The following PMS2 variants were observed in gnomAD, a reference collection of about 807,000 sequenced individuals.
The protein encoded by PMS2 is PMS1 homolog 2, mismatch repair system component.
Under a neutral mutation model 90.0 loss-of-function variants are expected in PMS2, and 69 were observed. The ratio of observed to expected loss-of-function variants is 0.77; its 90% CI spans 0.63 to 0.94. The LOEUF (loss-of-function observed/expected upper bound fraction) is 0.94. PMS2 is among the 40% of genes least tolerant of loss of function. The pLI is 0.00. For missense variants in PMS2, 966 were observed against 1,040.2 expected (o/e 0.93, Z 0.98); for synonymous variants, 332 against 375.1 (o/e 0.89, Z 1.33).
chr7:5,994,637 G>A lies in PMS2; in HGVS notation c.903+897C>T, dbSNP rs567569993. 5.9e-5 allele frequency among the ~76,000 whole-genome samples: 9 copies of A among 151,706 alleles called. No individual in the cohort carries two copies. In the South Asian group the frequency reaches 1.0e-3, roughly 18 times the overall value. On this transcript the variant is annotated intron_variant, in intron 8 of 14. Coordinates refer to ENST00000265849, the MANE Select transcript of PMS2 (RefSeq NM_000535.7). ...AAATACAAAAAAAAATTAACCAGGC[G>A]TGGTGGCAGGCACCTGTAGTCCCAG...
chr7:6,002,266 TGAAAA>T (rs1785167330), intron 5 of PMS2, 182 bp downstream of exon 5: 1 of 575,116 alleles, frequency 1.7e-6, no homozygotes, highest in Admixed American at 3.0e-5. Context: ...CACTATGTGA[TGAAAA>T]GAAAAAAGTA....
At chr7:5,982,463 C>T (rs935597795) in intron 12 of PMS2, among the ~76,000 whole-genome samples, 6 of 152,042 alleles carry the variant, frequency 3.9e-5, no homozygotes, top group Admixed American at 2.6e-4. Context: ...CTCGGCCTCC[C>T]AAAGTGCCGG....
rs745411955 is a variant in PMS2, at chr7:6,002,775, T to C, written c.354-139A>G. ...CCCTCTGAGATAATCAAGATCTAAA[T>C]GGTTGAGGAGTCATCATAAAATCTA... On this transcript the variant is annotated intron_variant, in intron 4 of 14. Transcript: ENST00000265849. 455 of 767,450 alleles carry C rather than the reference T, an allele frequency of 5.9e-4. 4 individuals are homozygous for C. Among genetic ancestry groups the C allele is most frequent in the Middle Eastern group, 4.0e-3 (11 of 2,772 alleles). 47.5% of individuals were successfully genotyped at this position (767,450 alleles called of 1,614,324 possible). A position where few individuals can be genotyped will look rare whatever the true frequency, so the allele number is the denominator to read the frequency against.
rs374704824 is a variant in PMS2 at position 5,999,193 on chromosome 7, C to T, written c.620G>A (p.Gly207Glu). 355 of 1,613,928 alleles carry T rather than the reference C, an allele frequency of 2.2e-4. 2 individuals carry two copies. Among genetic ancestry groups the T allele is most frequent in the South Asian group, 1.9e-3 (175 of 91,082 alleles). ...GIRVSCTNQL[G>E]QGKRQPVVCT... is the part of the protein sequence containing the mutation. ...TACCACAGGCTGTCGTTTTCCTTGT[C>T]CAAGCTGATTGGTGCAACTTACACG... The change falls in exon 6 of 15, where the codon GGA becomes GAA. Residue 207 changes from glycine (G) to glutamate (E), a missense_variant. By Grantham distance (98) the Gly-to-Glu change is moderately conservative. Transcript: ENST00000265849.
At chr7:5,998,725 C>T (rs1283013444) in intron 6 of PMS2, among the ~76,000 whole-genome samples, 1 of 148,840 alleles carries the variant, frequency 6.7e-6, no homozygotes, top group Non-Finnish European at 1.5e-5. Flanking sequence ...GGCTTGGTGG[C>T]TCACACCTGT....
At chr7:5,991,407 A>T (rs992480159) in intron 9 of PMS2, among the ~76,000 whole-genome samples, 8 of 152,074 alleles carry the variant, frequency 5.3e-5, no homozygotes, top group Admixed American at 3.3e-4. Flanking sequence ...AAAAATCTAT[A>T]TGAAATGAAT....
intron 12 of PMS2, among the ~76,000 whole-genome samples, chr7:5,979,896 C>T (rs1782139374): frequency 9.7e-6 from 1 of 102,694 alleles, no homozygotes; most frequent in South Asian, 4.2e-4. Flanking sequence ...GTCCTGGAGC[C>T]AACAGATTAC....
chr7:6,003,697 C>T lies in PMS2; in HGVS notation c.346G>A (p.Ala116Thr), dbSNP rs751799116. The change falls in exon 4 of 15, where the codon GCA (alanine) becomes ACA (threonine). Residue 116 changes from alanine (A) to threonine (T), a missense_variant. Around this residue, in one of 2 missense-constraint regions of PMS2, gnomAD observed 871 missense variants for 802.4 expected, o/e 1.09. Transcript: ENST00000265849. Reference protein sequence around the residue: ...FRGEALSSLCALSDVTISTCH... With the variant: ...FRGEALSSLCTLSDVTISTCH... ...ATAAAAATATTGTATCACCTCAGTG[C>T]ACAAAGTGAGCTCAGAGCTTCCCCC... The T allele has an allele frequency of 3.2e-6, 5 of 1,570,820 alleles. No homozygotes were observed. Among genetic ancestry groups the T allele is most frequent in the Non-Finnish European group, 4.3e-6 (5 of 1,155,180 alleles).
At chr7:5,987,878 A>T (rs1307479828) in intron 10 of PMS2, among the ~76,000 whole-genome samples, 4 of 151,908 alleles carry the variant, frequency 2.6e-5, no homozygotes, top group Non-Finnish European at 5.9e-5. Context: ...AACATGGTAA[A>T]ACCCTGTTTC....
chr7:5,992,173 G>A, intron 8 of PMS2, 116 bp from the exon 9 acceptor site: 1 of 543,508 alleles, frequency 1.8e-6, no homozygotes, highest in Non-Finnish European at 3.3e-6. Flanking sequence ...ATACTTTTTT[G>A]TTTTTTTTTT....
intron 11 of PMS2, 79 bp downstream of exon 11, chr7:5,986,680 A>G (rs1159726734): frequency 8.7e-7 from 1 of 1,143,680 alleles, no homozygotes; most frequent in East Asian, 2.7e-5. Context: ...CAACAGAGCA[A>G]GACTCTGTCT....
intron 1 of PMS2, among the ~76,000 whole-genome samples, chr7:6,007,978 G>A (rs1786039911): frequency 6.6e-6 from 1 of 151,182 alleles, no homozygotes; most frequent in African/African-American, 2.4e-5. Context: ...TCCTGCCTCA[G>A]CCTCCAAAGT....
intron 5 of PMS2, among the ~76,000 whole-genome samples, chr7:6,001,373 CTTTT>C (rs35742778): frequency 1.4e-5 from 2 of 138,726 alleles, no homozygotes; most frequent in African/African-American, 2.7e-5. Context: ...GAGAAATATT[CTTTT>C]TTTTTTTTTT....
Position 6,005,805 on chromosome 7 carries a change from G to C in PMS2, c.163+87C>G, listed in dbSNP as rs1015214063. On this transcript the variant is annotated intron_variant, in intron 2 of 14. Transcript: ENST00000265849. ...ATAATTTATTACTACATCAACACTTGATAGTCTTATTTCAATAACAAATGT... is the reference window on the plus strand; with the variant it reads ...ATAATTTATTACTACATCAACACTTCATAGTCTTATTTCAATAACAAATGT... 3.1e-5 allele frequency: 50 copies of C among 1,591,680 alleles called. No homozygotes were observed. In the African/African-American group the frequency reaches 5.4e-4, roughly 17 times the overall value.
At chr7:6,002,287 T>C (rs528265046) in intron 5 of PMS2, 166 bp downstream of exon 5, 36 of 621,744 alleles carry the variant, frequency 5.8e-5, no homozygotes, top group African/African-American at 5.7e-4. Context: ...AAGTAAATCA[T>C]CCTAAAGTTA....
At chr7:6,007,155 G>T (rs1325617635) in intron 1 of PMS2, among the ~76,000 whole-genome samples, 1 of 151,766 alleles carries the variant, frequency 6.6e-6, no homozygotes, top group Admixed American at 6.6e-5. Flanking sequence ...TCACCCCGTT[G>T]CCTATGCTAG....
At chr7:5,985,544 CTTTTT>C (rs1296851533) in intron 11 of PMS2, among the ~76,000 whole-genome samples, 1 of 149,728 alleles carries the variant, frequency 6.7e-6, no homozygotes, top group East Asian at 2.0e-4. Flanking sequence ...CTCTTTTTTT[CTTTTT>C]TCTTTTTCTT....
intron 1 of PMS2, among the ~76,000 whole-genome samples, chr7:6,007,803 C>T (rs560938175): frequency 6.6e-6 from 1 of 151,776 alleles, no homozygotes; most frequent in East Asian, 1.9e-4. Flanking sequence ...AAAGAAGTAT[C>T]TCTAAAAATA....
chr7:5,999,935 A>T (rs1249516698), intron 5 of PMS2, among the ~76,000 whole-genome samples: 1 of 152,224 alleles, frequency 6.6e-6, no homozygotes, highest in Admixed American at 6.6e-5. Flanking sequence ...GTTCACTGAA[A>T]CAATCTCTAT....
Sources: gnomAD v4.1 joint callset for allele counts (sites outside exome capture counted in the v4.1 genomes callset) on GRCh38, gnomAD v4.1.1 for gene constraint, gnomAD v4.1.1 regional missense constraint, MANE v1.5 for transcripts, NCBI Gene and HGNC (gene_info 2026-07-23, HGNC 2026-07-21) for gene names.